The following PLXDC1 variants were observed in gnomAD, a reference collection of about 807,000 sequenced individuals.
PLXDC1 encodes plexin domain containing 1, also known as plexin domain-containing protein 1.
A neutral mutation model predicts 61.3 loss-of-function variants in PLXDC1; 39 were observed. That is an observed-to-expected ratio of 0.64 (90% confidence interval 0.49 to 0.83). PLXDC1 has a LOEUF of 0.83. PLXDC1 is among the 40% of genes least tolerant of loss of function. The pLI is 0.00. For synonymous variants in PLXDC1, 212 were observed against 254.5 expected (o/e 0.83, Z 1.59); for missense variants, 596 against 666.5 (o/e 0.89, Z 1.17).
intron 11 of PLXDC1, among the ~76,000 whole-genome samples, chr17:39,075,538 G>A (rs1567753490): frequency 6.6e-6 from 1 of 152,212 alleles, no homozygotes; most frequent in Non-Finnish European, 1.5e-5. Flanking sequence ...CCTTGGGAAA[G>A]TCATCTGCCT....
intron 2 of PLXDC1, among the ~76,000 whole-genome samples, chr17:39,117,071 A>G (rs1027521003): frequency 2.6e-5 from 4 of 152,222 alleles, no homozygotes; most frequent in African/African-American, 9.6e-5. Context: ...AATGTGGCTC[A>G]ATGACCAAGA....
At chr17:39,070,960 AG>A (rs1402949387) in intron 12 of PLXDC1, among the ~76,000 whole-genome samples, 2 of 152,246 alleles carry the variant, frequency 1.3e-5, no homozygotes, top group Non-Finnish European at 2.9e-5. Context: ...CATGGGCGAT[AG>A]AGTGAGACTC....
chr17:39,128,093 A>ATGTGTG (rs199563342), intron 2 of PLXDC1, among the ~76,000 whole-genome samples: 8 of 58,094 alleles, frequency 1.4e-4, no homozygotes, highest in Non-Finnish European at 2.6e-4. Flanking sequence ...CTCTCTCTCT[A>ATGTGTG]TGTGTATATA....
rs369115005 is a variant in PLXDC1, at chr17:39,114,920, C to T, written c.256-5529G>A. The stretch of plus-strand genomic sequence containing the variant: ...CCTCCGGGCGTCTGAAATGAGTGCC[C>T]GGGACAGAAGCCACGCTCTGCAGTT... On this transcript the variant is annotated intron_variant, in intron 2 of 13. Coordinates refer to ENST00000315392, the MANE Select transcript of PLXDC1 (RefSeq NM_020405.5). Among the ~76,000 whole-genome samples, 19 of 152,300 alleles carry T rather than the reference C, an allele frequency of 1.2e-4. No individual in the cohort carries two copies. In the South Asian group the frequency reaches 3.3e-3, roughly 27 times the overall value.
At position 39,079,115 on chromosome 17, in the gene PLXDC1, A is replaced by G. The variant is rs1437989887; in HGVS notation, c.1039T>C (p.Cys347Arg). 3.1e-6 allele frequency: 5 copies of G among 1,613,684 alleles called. No homozygotes were observed. The highest frequency in any genetic ancestry group is 4.2e-6 in the Non-Finnish European group (5 of 1,179,760). The change falls in exon 10 of 14, where the codon TGT becomes CGT. Residue 347 changes from cysteine to arginine, a missense_variant. By Grantham distance (180) the Cys-to-Arg change is radical (BLOSUM62 -3). Transcript: ENST00000315392. ...CTTATGCTTCTCACCTCCTGTGCACAGCCATAGTCCATCCACTCCTGGCGA... is the reference window on the plus strand; with the variant it reads ...CTTATGCTTCTCACCTCCTGTGCACGGCCATAGTCCATCCACTCCTGGCGA... ...RYRQEWMDYG[C>R]AQEAEGRMCE...
At chr17:39,070,197 CTTGACACCATCTGGG>C in intron 12 of PLXDC1, 181 bp from the exon 13 acceptor site, 1 of 503,490 alleles carries the variant, frequency 2.0e-6, no homozygotes, top group Non-Finnish European at 3.5e-6. Context: ...CATTCATGTT[CTTGACACCATCTGGG>C]TAGTTTTCCA....
intron 2 of PLXDC1, among the ~76,000 whole-genome samples, chr17:39,109,829 G>A (rs1007440659): frequency 2.6e-5 from 4 of 152,208 alleles, no homozygotes; most frequent in Non-Finnish European, 5.9e-5. Context: ...TGCCCTGGAA[G>A]AGTACCCTAT....
chr17:39,096,838 T>G (rs979265090), intron 7 of PLXDC1: 14 of 452,698 alleles, frequency 3.1e-5, no homozygotes, highest in Non-Finnish European at 5.1e-5. Flanking sequence ...GAAATAATAT[T>G]GACTTCCGGC....
chr17:39,118,702 T>G (rs1305996626), intron 2 of PLXDC1, among the ~76,000 whole-genome samples: 1 of 152,166 alleles, frequency 6.6e-6, no homozygotes, highest in African/African-American at 2.4e-5. Context: ...GTCTCCTACA[T>G]GACCCTGTGC....
rs35923960 is a variant in PLXDC1, at chr17:39,129,317, C to CA, written c.255+10336dup. The stretch of plus-strand genomic sequence containing the variant: ...TGGGCGACAGAGCGAGACTCTGTCT[C>CA]AAAAAAAAAAAAAAAAAGAGGCTGG... On this transcript the variant is annotated intron_variant, in intron 2 of 13. Transcript: ENST00000315392. Among the ~76,000 whole-genome samples the CA allele has an allele frequency of 1.5e-3, 165 of 109,072 alleles. 2 individuals are homozygous for CA. The highest frequency in any genetic ancestry group is 7.8e-3 in the South Asian group (26 of 3,334). 71.6% of individuals were successfully genotyped at this position (109,072 alleles called of 152,430 possible). A position where few individuals can be genotyped will look rare whatever the true frequency, so the allele number is the denominator to read the frequency against.
intron 2 of PLXDC1, among the ~76,000 whole-genome samples, chr17:39,122,062 A>T (rs1009770881): frequency 2.3e-5 from 3 of 130,396 alleles, no homozygotes; most frequent in Admixed American, 8.7e-5. Context: ...ACGCCACTGC[A>T]TTCTAGCCTG....
intron 7 of PLXDC1, among the ~76,000 whole-genome samples, chr17:39,103,949 G>T (rs1000671384): frequency 6.6e-6 from 1 of 152,054 alleles, no homozygotes; most frequent in Non-Finnish European, 1.5e-5. Flanking sequence ...ACTATAGCAT[G>T]TGACTTTTTG....
intron 2 of PLXDC1, chr17:39,113,051 C>T (rs1910863084): frequency 6.6e-6 from 1 of 152,076 alleles, no homozygotes; most frequent in Non-Finnish European, 1.5e-5. Flanking sequence ...TTAGGGTGGG[C>T]CCTAAATCCA....
chr17:39,101,669 G>A (rs1910424841), intron 7 of PLXDC1, among the ~76,000 whole-genome samples: 1 of 152,162 alleles, frequency 6.6e-6, no homozygotes, highest in Non-Finnish European at 1.5e-5. Flanking sequence ...AGCCACCAGA[G>A]CCATTTGCTC....
At chr17:39,099,653 G>T (rs1018181127) in intron 7 of PLXDC1, among the ~76,000 whole-genome samples, 1 of 152,184 alleles carries the variant, frequency 6.6e-6, no homozygotes, top group Non-Finnish European at 1.5e-5. Flanking sequence ...AAATGGAGAA[G>T]ATCTGGACTT....
Position 39,066,555 on chromosome 17 carries a change from A to G in PLXDC1, c.*1285T>C, listed in dbSNP as rs551956660. The G allele has an allele frequency of 6.6e-6, 1 of 152,352 alleles. No individual in the cohort carries two copies. The highest frequency in any genetic ancestry group is 1.5e-5 in the Non-Finnish European group (1 of 68,074). The allele number at this position is 152,352 out of a possible 1,614,324, so 9.4% of individuals were successfully genotyped here. On this transcript the variant is annotated 3_prime_UTR_variant, in exon 14 of 14. Coordinates refer to ENST00000315392, the MANE Select transcript of PLXDC1 (RefSeq NM_020405.5). ...TTTCAGAGCTACAGAAGCTGGGGCTAAAATGCCAACTCTATAGCCATGAGG... is the reference window on the plus strand; with the variant it reads ...TTTCAGAGCTACAGAAGCTGGGGCTGAAATGCCAACTCTATAGCCATGAGG...
At chr17:39,130,908 G>GA (rs1048700127) in intron 2 of PLXDC1, among the ~76,000 whole-genome samples, 7 of 151,886 alleles carry the variant, frequency 4.6e-5, no homozygotes, top group Admixed American at 2.0e-4. Flanking sequence ...CAACAAAAAA[G>GA]AAAAAAAGAA....
chr17:39,123,099 A>G (rs1039299196), intron 2 of PLXDC1, among the ~76,000 whole-genome samples: 2 of 152,102 alleles, frequency 1.3e-5, no homozygotes, highest in South Asian at 4.1e-4. Flanking sequence ...AGACAGACCC[A>G]AGTTCCAAAA....
chr17:39,108,790 G>A (rs576025493), intron 4 of PLXDC1, 114 bp downstream of exon 4: 355 of 711,338 alleles, frequency 5.0e-4, no homozygotes, highest in Non-Finnish European at 8.5e-4. Context: ...AGAGCCAAAT[G>A]TGCCTTCCTC....
Sources: gnomAD v4.1 joint callset for allele counts (sites outside exome capture counted in the v4.1 genomes callset) on GRCh38, gnomAD v4.1.1 for gene constraint, MANE v1.5 for transcripts, NCBI Gene and HGNC (gene_info 2026-07-23, HGNC 2026-07-21) for gene names.